DCDC2: variants seen among roughly 807,000 people sequenced by gnomAD.
DCDC2 encodes the protein doublecortin domain-containing protein 2.
In DCDC2, 40 loss-of-function variants were observed where a neutral mutation model predicts 50.2. The ratio of observed to expected loss-of-function variants is 0.80; its 90% CI spans 0.62 to 1.04. The LOEUF (loss-of-function observed/expected upper bound fraction) is 1.04. Among genes scored for constraint, DCDC2 ranks in the 50% least tolerant of loss-of-function variants. DCDC2 has a pLI of 0.00. For synonymous variants in DCDC2, 234 were observed against 210.6 expected (o/e 1.11, Z -0.96); for missense variants, 570 against 581.9 (o/e 0.98, Z 0.21).
intron 8 of DCDC2, among the ~76,000 whole-genome samples, chr6:24,180,371 G>T (rs541223308): frequency 6.6e-6 from 1 of 152,014 alleles, no homozygotes; most frequent in South Asian, 2.1e-4. Context: ...TGCAAGCCCC[G>T]CTTCCCCGGT....
intron 2 of DCDC2, among the ~76,000 whole-genome samples, chr6:24,346,351 T>C (rs115880985): frequency 1.3e-5 from 2 of 152,046 alleles, no homozygotes; most frequent in Non-Finnish European, 2.9e-5. Flanking sequence ...TGAATTGGCA[T>C]ATAAGGCCAA....
Position 24,270,071 on chromosome 6 carries a change from C to T in DCDC2, c.922+7978G>A, listed in dbSNP as rs139092465. Among the ~76,000 whole-genome samples the T allele has an allele frequency of 5.4e-3, 825 of 152,256 alleles. 4 individuals carry two copies. The highest frequency in any genetic ancestry group is 8.8e-3 in the Non-Finnish European group (601 of 68,014). ...TTCAGGGTCTGCTGTGATACATCAA[C>T]ATTTTTATCACTGAAGGAAGACAGG... On this transcript the variant is annotated intron_variant, in intron 7 of 9. Coordinates refer to ENST00000378454, the MANE Select transcript of DCDC2 (RefSeq NM_016356.5).
Position 24,227,805 on chromosome 6 carries a change from C to CGAT in DCDC2, c.923-22706_923-22704dup, listed in dbSNP as rs554712935. On this transcript the variant is annotated intron_variant, in intron 7 of 9. Coordinates refer to ENST00000378454, the MANE Select transcript of DCDC2 (RefSeq NM_016356.5). ...ACCAATATTCACAATGACTGTCTCC[C>CGAT]GATTAATCTGGTAAACAGAAGGGGG... Among the ~76,000 whole-genome samples the CGAT allele has an allele frequency of 1.1e-4, 16 of 152,254 alleles. No homozygotes were observed. In the South Asian group the frequency reaches 3.3e-3, roughly 32 times the overall value.
rs807706 is a variant in DCDC2 at position 24,299,046 on chromosome 6, C to A, written c.557+2669G>T. 6.3e-3 allele frequency among the ~76,000 whole-genome samples: 954 copies of A among 152,292 alleles called. 18 individuals are homozygous for A. Among genetic ancestry groups the A allele is most frequent in the African/African-American group, 0.021 (885 of 41,570 alleles). On this transcript the variant is annotated intron_variant, in intron 4 of 9. Coordinates refer to ENST00000378454, the MANE Select transcript of DCDC2 (RefSeq NM_016356.5). ...AAAGAAGCATGCACTGGTACGTTCA[C>A]TGCCGTGCTATTCACAATAGCAAAG...
upstream of DCDC2, among the ~76,000 whole-genome samples, chr6:24,359,091 ATTATATATT>A (rs1208949961): frequency 1.1e-3 from 45 of 42,702 alleles, no homozygotes; most frequent in Admixed American, 4.6e-3. Flanking sequence ...ATTTTTATAT[ATTATATATT>A]TTATATATTA....
At chr6:24,284,227 A>G (rs1240978001) in intron 6 of DCDC2, among the ~76,000 whole-genome samples, 2 of 152,164 alleles carry the variant, frequency 1.3e-5, no homozygotes, top group Non-Finnish European at 2.9e-5. Flanking sequence ...CCTATATCAC[A>G]TACCTGTACG....
At chr6:24,274,023 G>A (rs773282230) in intron 7 of DCDC2, among the ~76,000 whole-genome samples, 7 of 152,168 alleles carry the variant, frequency 4.6e-5, no homozygotes, top group South Asian at 2.1e-4. Flanking sequence ...GCACACAGGC[G>A]TGCCCACTCA....
intron 4 of DCDC2, among the ~76,000 whole-genome samples, chr6:24,294,185 C>T (rs1345593249): frequency 5.9e-5 from 9 of 151,902 alleles, no homozygotes; most frequent in Admixed American, 1.3e-4. Flanking sequence ...AGTGAAACCC[C>T]GTCTCTACAA....
rs62400419 is a variant in DCDC2, at chr6:24,301,503, T to A, written c.557+212A>T. 0.077 allele frequency among the ~76,000 whole-genome samples: 11,740 copies of A among 152,150 alleles called. 585 individuals carry two copies. Among genetic ancestry groups the A allele is most frequent in the African/African-American group, 0.15 (6,045 of 41,478 alleles). On this transcript the variant is annotated intron_variant, in intron 4 of 9. Transcript: ENST00000378454. The stretch of plus-strand genomic sequence containing the variant: ...TAATATTTGTAGATGTGCTACTATG[T>A]GCCAATGACTGTTTTAAGCTCTGTA...
intron 6 of DCDC2, among the ~76,000 whole-genome samples, chr6:24,284,846 C>A (rs1763560020): frequency 6.6e-6 from 1 of 152,040 alleles, no homozygotes; most frequent in Admixed American, 6.5e-5. Flanking sequence ...TCTTCTTCCC[C>A]GGCCTCATCC....
At chr6:24,206,553 A>G (rs949574893) in intron 7 of DCDC2, among the ~76,000 whole-genome samples, 1 of 152,224 alleles carries the variant, frequency 6.6e-6, no homozygotes, top group Non-Finnish European at 1.5e-5. Context: ...TTTTGTGTCC[A>G]AATGTTGCAC....
intron 6 of DCDC2, among the ~76,000 whole-genome samples, chr6:24,283,021 C>G (rs919061107): frequency 6.6e-6 from 1 of 152,150 alleles, no homozygotes; most frequent in African/African-American, 2.4e-5. Context: ...ATCCTGTAAA[C>G]TACTGACCAT....
chr6:24,212,611 G>GAT (rs981036379), intron 7 of DCDC2, among the ~76,000 whole-genome samples: 1 of 152,148 alleles, frequency 6.6e-6, no homozygotes, highest in Admixed American at 6.5e-5. Context: ...GGATAAATTT[G>GAT]ATACACAATA....
intron 7 of DCDC2, among the ~76,000 whole-genome samples, chr6:24,237,635 G>T (rs780723453): frequency 3.9e-5 from 6 of 152,214 alleles, no homozygotes; most frequent in Non-Finnish European, 4.4e-5. Flanking sequence ...TTCATTGCAG[G>T]ACTATTCACA....
At chr6:24,220,912 G>A (rs1178043751) in intron 7 of DCDC2, among the ~76,000 whole-genome samples, 1 of 149,674 alleles carries the variant, frequency 6.7e-6, no homozygotes, top group East Asian at 2.0e-4. Context: ...GCGAGAGAGT[G>A]AGCGAGCGAG....
At chr6:24,325,655 C>T (rs12211069) in intron 2 of DCDC2, among the ~76,000 whole-genome samples, 27,543 of 148,998 alleles carry the variant, frequency 0.18, 3,971 homozygotes, top group East Asian at 0.28. Flanking sequence ...ATAGCAGGTG[C>T]AGTGGATTTT....
chr6:24,317,438 G>A (rs6904343), intron 2 of DCDC2, among the ~76,000 whole-genome samples: 27,681 of 151,816 alleles, frequency 0.18, 2,645 homozygotes, highest in African/African-American at 0.24. Flanking sequence ...GGTAGCCTAG[G>A]CATCTCTGGA....
chr6:24,365,710 CT>C, the DCDC2 span: 1 of 152,130 alleles, frequency 6.6e-6, no homozygotes, highest in Non-Finnish European at 1.5e-5. Flanking sequence ...GCATAAGTTC[CT>C]GTGTAAGGAT....
the DCDC2 span, among the ~76,000 whole-genome samples, chr6:24,372,347 AGGCGGAGC>A: frequency 6.6e-6 from 1 of 151,666 alleles, no homozygotes; most frequent in African/African-American, 2.4e-5. Flanking sequence ...TGAACCCGGG[AGGCGGAGC>A]TTGTAGTGAG....
Sources: gnomAD v4.1 joint callset for allele counts (sites outside exome capture counted in the v4.1 genomes callset) on GRCh38, gnomAD v4.1.1 for gene constraint, MANE v1.5 for transcripts, NCBI Gene and HGNC (gene_info 2026-07-23, HGNC 2026-07-21) for gene names.